Variants in OR1J2 observed in about 807,000 individuals in gnomAD.
OR1J2 encodes olfactory receptor 1J2.
For synonymous variants in OR1J2, 142 were observed against 99.7 expected (o/e 1.42, Z -2.52); for missense variants, 304 against 246.1 (o/e 1.24, Z -1.57).
the OR1J2 span, chr9:122,527,076 G>T: frequency 6.2e-7 from 1 of 1,614,204 alleles, no homozygotes; most frequent in Middle Eastern, 1.6e-4. Flanking sequence ...AACTGTGGAG[G>T]ACGTTAAACC....
the OR1J2 span, among the ~76,000 whole-genome samples, chr9:122,495,317 C>T: frequency 6.6e-6 from 1 of 152,146 alleles, no homozygotes; most frequent in Non-Finnish European, 1.5e-5. Flanking sequence ...CTTGGGAACA[C>T]CAATTATTCT....
chr9:122,547,620 A>AGTGTGTGTGT, the OR1J2 span, among the ~76,000 whole-genome samples: 1,087 of 142,954 alleles, frequency 7.6e-3, 2 homozygotes, highest in East Asian at 0.016. Flanking sequence ...GTAGTAGTTC[A>AGTGTGTGTGT]GTGTGTGTGT....
At chr9:122,500,880 T>C in the OR1J2 span, among the ~76,000 whole-genome samples, 1 of 152,196 alleles carries the variant, frequency 6.6e-6, no homozygotes, top group Non-Finnish European at 1.5e-5. Context: ...AGCATAATTT[T>C]AAGAGATAAG....
chr9:122,450,156 AT>A, the OR1J2 span, among the ~76,000 whole-genome samples: 1 of 152,188 alleles, frequency 6.6e-6, no homozygotes, highest in Non-Finnish European at 1.5e-5. Flanking sequence ...TTGGCCGTGC[AT>A]GGTGGCTCAT....
the OR1J2 span, among the ~76,000 whole-genome samples, chr9:122,539,684 C>A: frequency 6.6e-6 from 1 of 152,118 alleles, no homozygotes; most frequent in African/African-American, 2.4e-5. Context: ...CCTGAGGAAT[C>A]GCCACACTGA....
At chr9:122,533,442 G>A in the OR1J2 span, among the ~76,000 whole-genome samples, 191 of 152,190 alleles carry the variant, frequency 1.3e-3, no homozygotes, top group African/African-American at 4.2e-3. Flanking sequence ...GTGCATGATC[G>A]GTTGCTAAGG....
At chr9:122,547,165 G>C in the OR1J2 span, among the ~76,000 whole-genome samples, 1 of 151,664 alleles carries the variant, frequency 6.6e-6, no homozygotes, top group Non-Finnish European at 1.5e-5. Flanking sequence ...GACTAGTAAA[G>C]AAAAAAAGTA....
chr9:122,518,371 G>C, the OR1J2 span, among the ~76,000 whole-genome samples: 1 of 152,226 alleles, frequency 6.6e-6, no homozygotes, highest in Non-Finnish European at 1.5e-5. Flanking sequence ...TCTGGAGCCT[G>C]GGAAGCCCCA....
chr9:122,533,332 C>T, the OR1J2 span, among the ~76,000 whole-genome samples: 2 of 152,034 alleles, frequency 1.3e-5, no homozygotes, highest in Non-Finnish European at 1.5e-5. Context: ...CTGTAACAGG[C>T]GAATGATAAC....
the OR1J2 span, among the ~76,000 whole-genome samples, chr9:122,568,981 G>T: frequency 6.7e-6 from 1 of 148,794 alleles, no homozygotes; most frequent in Non-Finnish European, 1.5e-5. Context: ...TTTAGATGGG[G>T]AGGTTTCAGG....
chr9:122,468,438 C>A, the OR1J2 span, among the ~76,000 whole-genome samples: 45 of 152,282 alleles, frequency 3.0e-4, no homozygotes, highest in African/African-American at 1.1e-3. Context: ...AAACCTGACC[C>A]CATTACTTGG....
At chr9:122,452,370 G>C in the OR1J2 span, among the ~76,000 whole-genome samples, 1 of 152,102 alleles carries the variant, frequency 6.6e-6, no homozygotes, top group African/African-American at 2.4e-5. Flanking sequence ...GCAGTAAATG[G>C]CATGCTTACC....
At chr9:122,458,659 C>T in the OR1J2 span, among the ~76,000 whole-genome samples, 1 of 152,138 alleles carries the variant, frequency 6.6e-6, no homozygotes, top group Admixed American at 6.5e-5. Context: ...AGACTCCCCA[C>T]CCCAATTCTG....
chr9:122,561,290 T>C, the OR1J2 span, among the ~76,000 whole-genome samples: 2 of 152,166 alleles, frequency 1.3e-5, no homozygotes, highest in African/African-American at 4.8e-5. Context: ...AACATGCCCC[T>C]TTAGCTCAGC....
chr9:122,460,192 T>TAC, the OR1J2 span, among the ~76,000 whole-genome samples: 13 of 150,108 alleles, frequency 8.7e-5, no homozygotes, highest in Admixed American at 2.0e-4. Flanking sequence ...TATATATATA[T>TAC]ACACACACAC....
At chr9:122,489,815 A>C in the OR1J2 span, among the ~76,000 whole-genome samples, 15 of 152,204 alleles carry the variant, frequency 9.9e-5, no homozygotes, top group African/African-American at 3.4e-4. Context: ...AAATACCCTT[A>C]CAGATACATG....
chr9:122,501,365 T>C, the OR1J2 span, among the ~76,000 whole-genome samples: 1 of 152,132 alleles, frequency 6.6e-6, no homozygotes, highest in African/African-American at 2.4e-5. Flanking sequence ...TTTGTGCTGA[T>C]TGCTCTTCTC....
At chr9:122,554,111 G>T in the OR1J2 span, 1 of 1,613,714 alleles carries the variant, frequency 6.2e-7, no homozygotes, top group Non-Finnish European at 8.5e-7. Flanking sequence ...ACAGAGACAT[G>T]AAGGAGGCTT....
At chr9:122,541,232 C>G in the OR1J2 span, among the ~76,000 whole-genome samples, 1 of 152,150 alleles carries the variant, frequency 6.6e-6, no homozygotes, top group Non-Finnish European at 1.5e-5. Flanking sequence ...TGACAGTTCA[C>G]TGAGTTAGCA....
Sources: gnomAD v4.1 joint callset for allele counts (sites outside exome capture counted in the v4.1 genomes callset) on GRCh38, gnomAD v4.1.1 for gene constraint, MANE v1.5 for transcripts, NCBI Gene and HGNC (gene_info 2026-07-23, HGNC 2026-07-21) for gene names.